The following MEDAG variants were observed in gnomAD, a reference collection of about 807,000 sequenced individuals.
The protein encoded by MEDAG is mesenteric estrogen-dependent adipogenesis protein.
In MEDAG, 25 loss-of-function variants were observed where a neutral mutation model predicts 29.9. That is an observed-to-expected ratio of 0.84 (90% CI 0.61 to 1.17). MEDAG has a LOEUF of 1.17. MEDAG is among the 50% of genes most tolerant of loss of function. The pLI is 0.00. For synonymous variants in MEDAG, 158 were observed against 148.2 expected, an observed-to-expected ratio of 1.07 and a Z score of -0.48; for missense variants, 398 against 372.9, an observed-to-expected ratio of 1.07 and a Z score of -0.56.
intron 1 of MEDAG, among the ~76,000 whole-genome samples, chr13:30,912,031 C>T (rs921038789): frequency 6.6e-6 from 1 of 152,214 alleles, no homozygotes. Flanking sequence ...CCTTTCTCAT[C>T]TCTGTGTCCC....
intron 1 of MEDAG, among the ~76,000 whole-genome samples, chr13:30,909,695 G>T (rs534827059): frequency 1.3e-5 from 2 of 152,110 alleles, no homozygotes; most frequent in South Asian, 4.2e-4. Flanking sequence ...AATATTTTTG[G>T]CATATGGGAT....
Position 30,906,564 on chromosome 13 carries a change from A to T in MEDAG, c.49A>T (p.Ile17Phe). 6.4e-7 allele frequency: 1 copy of T among 1,573,380 alleles called. No homozygotes were observed. The highest frequency in any genetic ancestry group is 8.6e-7 in the Non-Finnish European group (1 of 1,169,048). Residue 17 changes from isoleucine (I) to phenylalanine (F), a missense_variant, in exon 1 of 5, where the codon ATC (isoleucine) becomes TTC (phenylalanine). Ile to Phe is a conservative substitution (Grantham distance 21, BLOSUM62 0). Coordinates refer to ENST00000380482, the MANE Select transcript of MEDAG (RefSeq NM_032849.4). Reference sequence around the variant, plus strand: ...GGTGGCCAGGCCGAGCCTGACCTCCATCTCGTCTGGGGAGCTTCGCAGCCT... The same window carrying T: ...GGTGGCCAGGCCGAGCCTGACCTCCTTCTCGTCTGGGGAGCTTCGCAGCCT... ...EPVARPSLTS[I>F]SSGELRSLWT...
chr13:30,912,506 A>AACACAC (rs67281071), intron 1 of MEDAG, among the ~76,000 whole-genome samples: 9 of 150,564 alleles, frequency 6.0e-5, no homozygotes, highest in African/African-American at 2.2e-4. Context: ...TTTTTTAATG[A>AACACAC]ACACACACAC....
chr13:30,916,382 A>G (rs767595550), intron 1 of MEDAG: 11 of 152,228 alleles, frequency 7.2e-5, no homozygotes, highest in Non-Finnish European at 1.3e-4. Context: ...AGCCAGAAAG[A>G]ATTGCTTGGA....
rs142057013 is a variant in MEDAG at position 30,921,026 on chromosome 13, C to T, written c.401C>T (p.Ala134Val). The change falls in exon 3 of 5, where the codon GCG becomes GTG. Residue 134 changes from alanine (A) to valine (V), a missense_variant. Physicochemically the swap from Ala to Val is moderately conservative, Grantham distance 64. Transcript: ENST00000380482. ...KKDTSKERTY[A>V]FLVNTRHPKI... ...TGCTAATTTCTAGAAAGGACGTACG[C>T]GTTTCTTGTAAACACGAGGCACCCC... 35 of 1,613,542 alleles carry T rather than the reference C, an allele frequency of 2.2e-5. No individual in the cohort carries two copies. In the Middle Eastern group the frequency reaches 6.6e-4, roughly 30 times the overall value.
At chr13:30,911,016 T>C (rs1235262513) in intron 1 of MEDAG, among the ~76,000 whole-genome samples, 1 of 152,218 alleles carries the variant, frequency 6.6e-6, no homozygotes, top group Admixed American at 6.5e-5. Flanking sequence ...TAACCATCCA[T>C]GCATTGAGCT....
chr13:30,915,575 A>T (rs1237553289), intron 1 of MEDAG, among the ~76,000 whole-genome samples: 1 of 151,956 alleles, frequency 6.6e-6, no homozygotes, highest in Non-Finnish European at 1.5e-5. Context: ...TTCTTTCTCT[A>T]GTAACTTTTG....
Position 30,925,076 on chromosome 13 carries a change from G to T in MEDAG, c.*641G>T, listed in dbSNP as rs535933757. On this transcript the variant is annotated 3_prime_UTR_variant, in exon 5 of 5. Transcript: ENST00000380482. ...CCCTGCCACACACTGCCTGAAATCG[G>T]AACTCCCTTGGCCTCCCTCTTAACT... 6.6e-6 allele frequency: 1 copy of T among 152,162 alleles called. No individual in the cohort carries two copies. Among genetic ancestry groups the T allele is most frequent in the African/African-American group, 2.4e-5 (1 of 41,434 alleles). 9.4% of individuals were successfully genotyped at this position (152,162 alleles called of 1,614,324 possible).
chr13:30,919,619 C>A (rs1245835109), intron 2 of MEDAG, among the ~76,000 whole-genome samples: 2 of 152,166 alleles, frequency 1.3e-5, no homozygotes, highest in Non-Finnish European at 2.9e-5. Context: ...GAAAGAAAAA[C>A]ATGGGTAAGA....
At chr13:30,907,782 C>T (rs1397934070) in intron 1 of MEDAG, among the ~76,000 whole-genome samples, 2 of 152,254 alleles carry the variant, frequency 1.3e-5, no homozygotes, top group African/African-American at 2.4e-5. Flanking sequence ...AGACAGCGTG[C>T]TGTGGCACCC....
In MEDAG at chr13:30,906,307, G is replaced by C. The variant is rs368449032; in HGVS notation, c.-209G>C. On this transcript the variant is annotated 5_prime_UTR_variant, in exon 1 of 5. Coordinates refer to ENST00000380482, the MANE Select transcript of MEDAG (RefSeq NM_032849.4). ...GCGGTGCCTGCAGGGCTCCCAGCGA[G>C]TGGCAGCTTGGGAGGGGCCGCCCGG... 4.7e-6 allele frequency: 2 copies of C among 423,894 alleles called. No individual in the cohort carries two copies. The highest frequency in any genetic ancestry group is 4.1e-5 in the African/African-American group (2 of 48,478). The allele number at this position is 423,894 out of a possible 1,614,324, so 26.3% of individuals were successfully genotyped here.
intron 1 of MEDAG, among the ~76,000 whole-genome samples, chr13:30,911,061 G>T (rs1484927969): frequency 2.0e-5 from 3 of 152,200 alleles, no homozygotes; most frequent in African/African-American, 7.2e-5. Flanking sequence ...TAGAGGAAGG[G>T]CTCTGCTCTT....
At chr13:30,910,949 C>A (rs1018123650) in intron 1 of MEDAG, among the ~76,000 whole-genome samples, 9 of 152,356 alleles carry the variant, frequency 5.9e-5, no homozygotes, top group Admixed American at 3.9e-4. Context: ...TTAGATGTAG[C>A]AACCTGCTTA....
At chr13:30,920,599 A>T (rs1398429949) in intron 2 of MEDAG, among the ~76,000 whole-genome samples, 3 of 152,090 alleles carry the variant, frequency 2.0e-5, no homozygotes. Flanking sequence ...ATAAAAAAAA[A>T]AAAGAAGAAG....
chr13:30,906,539 G>A lies in MEDAG; in HGVS notation c.24G>A (p.Pro8=), dbSNP rs954990902. The A allele has an allele frequency of 4.6e-6, 7 of 1,525,652 alleles. No individual in the cohort carries two copies. The highest frequency in any genetic ancestry group is 2.5e-5 in the East Asian group (1 of 39,354). 94.5% of individuals were successfully genotyped at this position (1,525,652 alleles called of 1,614,324 possible). A position where few individuals can be genotyped will look rare whatever the true frequency, so the allele number is the denominator to read the frequency against. The change falls in exon 1 of 5, where the codon CCG becomes CCA. Residue 8 remains proline (P), a synonymous_variant. Transcript: ENST00000380482. MAGAACE[P]VARPSLTSIS... is the part of the protein sequence containing the mutation. ...GCATGGCGGGGGCGGCCTGCGAGCC[G>A]GTGGCCAGGCCGAGCCTGACCTCCA...
At chr13:30,911,675 G>A (rs375121463) in intron 1 of MEDAG, among the ~76,000 whole-genome samples, 2 of 152,122 alleles carry the variant, frequency 1.3e-5, no homozygotes, top group East Asian at 3.9e-4. Context: ...ACCCAGTGGA[G>A]CCTGGACACG....
At chr13:30,918,220 A>G (rs936034530) in intron 2 of MEDAG, among the ~76,000 whole-genome samples, 3 of 152,206 alleles carry the variant, frequency 2.0e-5, no homozygotes, top group African/African-American at 7.2e-5. Context: ...TCAAACACCT[A>G]CTATGTCTAA....
At chr13:30,907,047 C>A (rs999624476) in intron 1 of MEDAG, among the ~76,000 whole-genome samples, 12 of 152,212 alleles carry the variant, frequency 7.9e-5, no homozygotes, top group Admixed American at 4.6e-4. Flanking sequence ...GGACTGGGGG[C>A]GAGGGGGAGG....
intron 1 of MEDAG, among the ~76,000 whole-genome samples, chr13:30,915,191 T>C (rs1046841043): frequency 3.3e-5 from 5 of 152,170 alleles, no homozygotes; most frequent in African/African-American, 1.2e-4. Context: ...ATACTTCACC[T>C]TCTCTTCACC....
Sources: allele counts gnomAD v4.1 joint callset (sites outside exome capture counted in the v4.1 genomes callset), GRCh38; gene constraint gnomAD v4.1.1; transcripts MANE v1.5; gene names NCBI Gene and HGNC (gene_info 2026-07-23, HGNC 2026-07-21).